Variants in CAMTA1 observed in about 807,000 individuals in gnomAD.
CAMTA1 encodes calmodulin-binding transcription activator 1.
Under a neutral mutation model 170.9 loss-of-function variants are expected in CAMTA1, and 27 were observed. That is an observed-to-expected ratio of 0.16 (90% CI 0.12 to 0.22). The LOEUF (loss-of-function observed/expected upper bound fraction) is 0.22, where lower values mean the gene tolerates loss of function less well. Ranked by LOEUF, CAMTA1 falls within the 10% of genes least tolerant of loss-of-function variation. The pLI is 1.00. For synonymous variants in CAMTA1, 833 were observed against 891.5 expected, an observed-to-expected ratio of 0.93 and a Z score of 1.17; for missense variants, 1,619 against 2,217.2, an observed-to-expected ratio of 0.73 and a Z score of 5.42.
intron 3 of CAMTA1, among the ~76,000 whole-genome samples, chr1:7,078,399 G>A (rs180758205): frequency 6.6e-6 from 1 of 152,326 alleles, no homozygotes; most frequent in East Asian, 1.9e-4. Flanking sequence ...AAGGAAGGCA[G>A]AATCGGTATT....
chr1:6,811,192 C>T (rs1208714279), intron 1 of CAMTA1, among the ~76,000 whole-genome samples: 7 of 152,102 alleles, frequency 4.6e-5, no homozygotes, highest in Admixed American at 4.6e-4. Flanking sequence ...TGCCCTCTTG[C>T]CTTATGGTTT....
intron 5 of CAMTA1, among the ~76,000 whole-genome samples, chr1:7,326,056 A>G (rs964372726): frequency 3.3e-5 from 5 of 152,062 alleles, no homozygotes; most frequent in African/African-American, 1.2e-4. Context: ...ACAGTGTTTC[A>G]TCACGTTGGC....
intron 5 of CAMTA1, among the ~76,000 whole-genome samples, chr1:7,379,105 G>T (rs1160314063): frequency 6.6e-6 from 1 of 152,116 alleles, no homozygotes; most frequent in African/African-American, 2.4e-5. Flanking sequence ...TTGCCTGCAG[G>T]TCTGGCATTT....
intron 7 of CAMTA1, among the ~76,000 whole-genome samples, chr1:7,660,574 T>C (rs2095946511): frequency 6.6e-6 from 1 of 152,070 alleles, no homozygotes; most frequent in South Asian, 2.1e-4. Context: ...CTCAAATCCA[T>C]GTCTGAACCG....
intron 4 of CAMTA1, among the ~76,000 whole-genome samples, chr1:7,170,060 A>G (rs1394089925): frequency 6.6e-6 from 1 of 151,954 alleles, no homozygotes; most frequent in Admixed American, 6.6e-5. Context: ...CCTACTTTCT[A>G]TTCTTTGAAT....
At chr1:7,669,449 G>T (rs1452026528) in intron 9 of CAMTA1, among the ~76,000 whole-genome samples, 2 of 152,266 alleles carry the variant, frequency 1.3e-5, no homozygotes, top group Admixed American at 6.5e-5. Flanking sequence ...TTCCTCCAGG[G>T]CAGGGGTGGG....
chr1:7,426,365 A>G lies in CAMTA1; in HGVS notation c.439-41465A>G, dbSNP rs542445434. On this transcript the variant is annotated intron_variant, in intron 5 of 22. Coordinates refer to ENST00000303635, the MANE Select transcript of CAMTA1 (RefSeq NM_015215.4). The surrounding 1 kb of genome is among the most constrained non-coding windows in gnomAD (Gnocchi z 4.8). ...GCAAGGGCAGGTGGTGTCAACTCCCATCCTGGCATCGGATATAGGACCAGC... is the reference window on the plus strand; with the variant it reads ...GCAAGGGCAGGTGGTGTCAACTCCCGTCCTGGCATCGGATATAGGACCAGC... Among the ~76,000 whole-genome samples, 1 of 152,250 alleles carries G rather than the reference A, an allele frequency of 6.6e-6. No homozygotes were observed. Among genetic ancestry groups the G allele is most frequent in the South Asian group, 2.1e-4 (1 of 4,824 alleles).
In CAMTA1 at chr1:7,064,626, A is replaced by T. The variant is rs1001482671; in HGVS notation, c.235-26678A>T. Reference sequence around the variant, plus strand: ...GCCAGTGGAGGGCCAGGAAAGGAGGATTTTGGGTGAAGAGAACGGCTACAG... The same window carrying T: ...GCCAGTGGAGGGCCAGGAAAGGAGGTTTTTGGGTGAAGAGAACGGCTACAG... On this transcript the variant is annotated intron_variant, in intron 3 of 22. Coordinates refer to ENST00000303635, the MANE Select transcript of CAMTA1 (RefSeq NM_015215.4). This position sits in a 1 kb window ranked among gnomAD's most constrained non-coding sequence, Gnocchi z 5.4. Among the ~76,000 whole-genome samples, 24 of 151,916 alleles carry T rather than the reference A, an allele frequency of 1.6e-4. No individual in the cohort carries two copies. The highest frequency in any genetic ancestry group is 5.8e-4 in the African/African-American group (24 of 41,410).
At chr1:7,530,531 T>A (rs1293614750) in intron 6 of CAMTA1, among the ~76,000 whole-genome samples, 1 of 151,960 alleles carries the variant, frequency 6.6e-6, no homozygotes, top group Non-Finnish European at 1.5e-5. Flanking sequence ...CTCCCAGCAG[T>A]CCCGGGGGTG....
intron 6 of CAMTA1, among the ~76,000 whole-genome samples, chr1:7,527,816 C>T (rs1178056465): frequency 6.6e-6 from 1 of 152,196 alleles, no homozygotes; most frequent in Non-Finnish European, 1.5e-5. Flanking sequence ...GGTTCTCCGA[C>T]CTCACAAATT....
intron 4 of CAMTA1, among the ~76,000 whole-genome samples, chr1:7,182,537 C>T (rs1652428174): frequency 6.7e-6 from 1 of 150,078 alleles, no homozygotes; most frequent in Non-Finnish European, 1.5e-5. Flanking sequence ...CATGGGTGAG[C>T]TTTTCTGTAA....
Position 6,982,143 on chromosome 1 carries a change from C to G in CAMTA1, c.235-109161C>G, listed in dbSNP as rs1694544857. Among the ~76,000 whole-genome samples the G allele has an allele frequency of 2.6e-5, 4 of 152,196 alleles. No homozygotes were observed. In the South Asian group the frequency reaches 8.3e-4, roughly 31 times the overall value. On this transcript the variant is annotated intron_variant, in intron 3 of 22. Coordinates refer to ENST00000303635, the MANE Select transcript of CAMTA1 (RefSeq NM_015215.4). Reference sequence around the variant, plus strand: ...GAAGCGGGCCTTCTTGACTCTCAGCCTGGTGCTTTTCTCCCTAGAGCACAT... The same window carrying G: ...GAAGCGGGCCTTCTTGACTCTCAGCGTGGTGCTTTTCTCCCTAGAGCACAT...
intron 3 of CAMTA1, among the ~76,000 whole-genome samples, chr1:6,900,329 A>C (rs1676657131): frequency 6.6e-6 from 1 of 152,214 alleles, no homozygotes; most frequent in South Asian, 2.1e-4. Flanking sequence ...CCGTGCAATG[A>C]GACAGCCTCC....
intron 7 of CAMTA1, among the ~76,000 whole-genome samples, chr1:7,649,059 G>A (rs1372055948): frequency 6.6e-6 from 1 of 152,254 alleles, no homozygotes; most frequent in Non-Finnish European, 1.5e-5. Flanking sequence ...CATGCACTAA[G>A]TACTGGGTGT....
At chr1:7,348,716 C>T (rs1034807811) in intron 5 of CAMTA1, among the ~76,000 whole-genome samples, 2 of 152,186 alleles carry the variant, frequency 1.3e-5, no homozygotes, top group Admixed American at 1.3e-4. Flanking sequence ...AGGGGGTGTT[C>T]GGCTTCAATC....
At chr1:7,281,487 G>T (rs560388347) in intron 5 of CAMTA1, among the ~76,000 whole-genome samples, 1 of 152,296 alleles carries the variant, frequency 6.6e-6, no homozygotes, top group African/African-American at 2.4e-5. Flanking sequence ...CAGGGAAAGA[G>T]AAGTCAAAGC....
rs750186109 is a variant in CAMTA1 at position 7,744,799 on chromosome 1, T to C, written c.4183-36T>C. 6 of 1,590,862 alleles carry C rather than the reference T, an allele frequency of 3.8e-6. No homozygotes were observed. In the Admixed American group the frequency reaches 1.0e-4, roughly 28 times the overall value. On this transcript the variant is annotated intron_variant, in intron 16 of 22. Transcript: ENST00000303635. ...GACCTGGATAACTTGTAAGGTTCCT[T>C]TCTAACCTGAGTGTTCTGTGAACTT...
intron 5 of CAMTA1, among the ~76,000 whole-genome samples, chr1:7,464,805 C>T (rs1039504851): frequency 6.6e-6 from 1 of 152,040 alleles, no homozygotes; most frequent in African/African-American, 2.4e-5. Context: ...TCAGCCCACA[C>T]AGCCACCCGA....
At position 7,195,490 on chromosome 1, in the gene CAMTA1, T is replaced by G. The variant is rs552774279; in HGVS notation, c.303-54001T>G. 1.5e-4 allele frequency among the ~76,000 whole-genome samples: 23 copies of G among 152,242 alleles called. No individual in the cohort carries two copies. Among genetic ancestry groups the G allele is most frequent in the African/African-American group, 5.1e-4 (21 of 41,540 alleles). On this transcript the variant is annotated intron_variant, in intron 4 of 22. Coordinates refer to ENST00000303635, the MANE Select transcript of CAMTA1 (RefSeq NM_015215.4). The surrounding 1 kb of genome is among the most constrained non-coding windows in gnomAD (Gnocchi z 4.1). ...GTGACCATGGGGCACAAGCAGGGAATAGAGCTTTCCTGTTACAGCATCATG... is the reference window on the plus strand; with the variant it reads ...GTGACCATGGGGCACAAGCAGGGAAGAGAGCTTTCCTGTTACAGCATCATG...
Sources: gnomAD v4.1 joint callset for allele counts (sites outside exome capture counted in the v4.1 genomes callset) on GRCh38, gnomAD v4.1.1 for gene constraint, Gnocchi (gnomAD v3.1) non-coding constraint, MANE v1.5 for transcripts, NCBI Gene and HGNC (gene_info 2026-07-23, HGNC 2026-07-21) for gene names.